SPAG16: variants seen among roughly 807,000 people sequenced by gnomAD.
SPAG16 encodes the protein sperm associated antigen 16.
SPAG16 carries 86 observed loss-of-function variants against 80.4 expected under a neutral mutation model. The ratio of observed to expected loss-of-function variants is 1.07; its 90% CI spans 0.90 to 1.28. SPAG16 has a LOEUF of 1.28. Among genes scored for constraint, SPAG16 ranks in the 50% most tolerant of loss-of-function variants. SPAG16 has a pLI of 0.00. For missense variants in SPAG16, 870 were observed against 765.3 expected (o/e 1.14, Z -1.61); for synonymous variants, 294 against 265.9 (o/e 1.11, Z -1.03).
At chr2:213,770,126 C>T (rs1220954356) in intron 10 of SPAG16, among the ~76,000 whole-genome samples, 2 of 152,108 alleles carry the variant, frequency 1.3e-5, no homozygotes, top group Non-Finnish European at 2.9e-5. Flanking sequence ...ATGAATATAT[C>T]ACAGTTTATT....
In SPAG16 at chr2:213,310,042, G is replaced by A. The variant is rs371534851; in HGVS notation, c.280-17G>A. On this transcript the variant is annotated splice_polypyrimidine_tract_variant and intron_variant, in intron 3 of 15. Coordinates refer to ENST00000331683, the MANE Select transcript of SPAG16 (RefSeq NM_024532.5). The stretch of plus-strand genomic sequence containing the variant: ...TTTGATGTTTTCAGAATAAATAAAT[G>A]CACGTTTAAATTTCAGGAACGGAAA... The A allele has an allele frequency of 2.7e-6, 4 of 1,466,316 alleles. No homozygotes were observed. The highest frequency in any genetic ancestry group is 2.8e-5 in the African/African-American group (2 of 71,376). The allele number at this position is 1,466,316 out of a possible 1,614,324, so 90.8% of individuals were successfully genotyped here. A position where few individuals can be genotyped will look rare whatever the true frequency, so the allele number is the denominator to read the frequency against.
At chr2:213,380,495 C>T (rs1575431341) in intron 9 of SPAG16, among the ~76,000 whole-genome samples, 1 of 152,150 alleles carries the variant, frequency 6.6e-6, no homozygotes, top group East Asian at 1.9e-4. Flanking sequence ...TCGGGACCTG[C>T]TTGAGCCCGA....
chr2:214,019,620 G>T (rs2047757851), intron 13 of SPAG16, among the ~76,000 whole-genome samples: 1 of 152,144 alleles, frequency 6.6e-6, no homozygotes, highest in African/African-American at 2.4e-5. Context: ...CCTGTTTGGT[G>T]CCAGACCCAT....
chr2:213,336,900 A>T (rs892242484), intron 5 of SPAG16, among the ~76,000 whole-genome samples: 1 of 152,120 alleles, frequency 6.6e-6, no homozygotes, highest in Non-Finnish European at 1.5e-5. Context: ...CAGGTGCCTG[A>T]TCCCACTCCT....
At chr2:213,897,321 C>A (rs746418852) in intron 11 of SPAG16, among the ~76,000 whole-genome samples, 1 of 152,058 alleles carries the variant, frequency 6.6e-6, no homozygotes, top group Non-Finnish European at 1.5e-5. Flanking sequence ...ATCAATACCC[C>A]TTCAACCTTC....
At chr2:213,904,299 A>G (rs573177646) in intron 11 of SPAG16, among the ~76,000 whole-genome samples, 2 of 152,158 alleles carry the variant, frequency 1.3e-5, no homozygotes, top group Non-Finnish European at 2.9e-5. Context: ...TTGGACTTAC[A>G]TAGTTCCACA....
At chr2:213,592,395 T>C (rs888309094) in intron 10 of SPAG16, among the ~76,000 whole-genome samples, 5 of 152,206 alleles carry the variant, frequency 3.3e-5, no homozygotes, top group African/African-American at 4.8e-5. Flanking sequence ...GGTTTGTAAG[T>C]CTACATACTA....
At chr2:213,307,876 A>T (rs1278959895) in intron 3 of SPAG16, among the ~76,000 whole-genome samples, 2 of 152,166 alleles carry the variant, frequency 1.3e-5, no homozygotes, top group Non-Finnish European at 2.9e-5. Flanking sequence ...ATGATTGTCG[A>T]ATTTTGTATA....
At chr2:214,075,469 A>G (rs1373979644) in intron 13 of SPAG16, among the ~76,000 whole-genome samples, 2 of 152,142 alleles carry the variant, frequency 1.3e-5, no homozygotes, top group East Asian at 3.8e-4. Context: ...AGGCTTCTGG[A>G]CGCCGTAATG....
intron 10 of SPAG16, among the ~76,000 whole-genome samples, chr2:213,733,353 G>A (rs1169912453): frequency 6.6e-6 from 1 of 152,052 alleles, no homozygotes; most frequent in African/African-American, 2.4e-5. Context: ...TGCTGGAAGG[G>A]GTTGAAATGG....
chr2:213,311,812 C>T (rs2063196984), intron 4 of SPAG16, among the ~76,000 whole-genome samples: 1 of 151,362 alleles, frequency 6.6e-6, no homozygotes, highest in African/African-American at 2.4e-5. Context: ...ATTTTTACCA[C>T]AGGAAAAAAC....
chr2:214,253,919 T>G (rs1690489145), intron 15 of SPAG16, among the ~76,000 whole-genome samples: 1 of 152,190 alleles, frequency 6.6e-6, no homozygotes, highest in African/African-American at 2.4e-5. Flanking sequence ...ATGATATTGA[T>G]TCTTCGTATC....
intron 15 of SPAG16, among the ~76,000 whole-genome samples, chr2:214,339,977 G>C (rs1005044584): frequency 6.6e-6 from 1 of 152,182 alleles, no homozygotes; most frequent in African/African-American, 2.4e-5. Context: ...ATCCATCTAT[G>C]CCATGATGGA....
intron 5 of SPAG16, among the ~76,000 whole-genome samples, chr2:213,320,657 C>T (rs1054337004): frequency 6.6e-5 from 10 of 152,050 alleles, no homozygotes; most frequent in South Asian, 2.1e-4. Flanking sequence ...AGTAAGGACA[C>T]GCAATATTTG....
intron 13 of SPAG16, among the ~76,000 whole-genome samples, chr2:214,060,373 A>G (rs2050192705): frequency 6.6e-6 from 1 of 152,154 alleles, no homozygotes; most frequent in Non-Finnish European, 1.5e-5. Context: ...ATGTGACTAT[A>G]TATCTCTAAA....
intron 15 of SPAG16, among the ~76,000 whole-genome samples, chr2:214,296,140 G>C (rs989682052): frequency 6.6e-6 from 1 of 152,112 alleles, no homozygotes; most frequent in Non-Finnish European, 1.5e-5. Flanking sequence ...TTAAAAGTTA[G>C]AATAAGTGAT....
chr2:213,652,370 A>G (rs1018184223), intron 10 of SPAG16, among the ~76,000 whole-genome samples: 3 of 152,008 alleles, frequency 2.0e-5, no homozygotes, highest in African/African-American at 4.8e-5. Flanking sequence ...TGTCACAAAC[A>G]CTCATGTTGG....
chr2:213,973,636 CTTT>C (rs375765183), intron 12 of SPAG16, among the ~76,000 whole-genome samples: 4,697 of 140,780 alleles, frequency 0.033, 234 homozygotes, highest in African/African-American at 0.11. Context: ...AAATTGCCCC[CTTT>C]TTTTTTTTTT....
At chr2:214,260,597 G>T (rs549440397) in intron 15 of SPAG16, among the ~76,000 whole-genome samples, 3 of 152,048 alleles carry the variant, frequency 2.0e-5, no homozygotes, top group South Asian at 2.1e-4. Context: ...TCATCTTAAG[G>T]ACTCCTATTA....
Sources: gnomAD v4.1 joint callset for allele counts (sites outside exome capture counted in the v4.1 genomes callset) on GRCh38, gnomAD v4.1.1 for gene constraint, MANE v1.5 for transcripts, NCBI Gene and HGNC (gene_info 2026-07-23, HGNC 2026-07-21) for gene names.